Variants in ATP8B1 observed in about 807,000 individuals in gnomAD.
The protein encoded by ATP8B1 is phospholipid-transporting ATPase IC.
A neutral mutation model predicts 149.9 loss-of-function variants in ATP8B1; 80 were observed. That is an observed-to-expected ratio of 0.53 (90% CI 0.45 to 0.64). The LOEUF (loss-of-function observed/expected upper bound fraction) is 0.64. Ranked by LOEUF, ATP8B1 falls within the 30% of genes least tolerant of loss-of-function variation. ATP8B1 has a pLI of 0.00. For synonymous variants in ATP8B1, 536 were observed against 562.8 expected, an observed-to-expected ratio of 0.95 and a Z score of 0.67; for missense variants, 1,247 against 1,552.6, an observed-to-expected ratio of 0.80 and a Z score of 3.31.
chr18:57,656,510 C>T (rs1186420885), intron 22 of ATP8B1, among the ~76,000 whole-genome samples: 2 of 151,338 alleles, frequency 1.3e-5, no homozygotes, highest in Non-Finnish European at 2.9e-5. Flanking sequence ...CTCAGCCTCT[C>T]GAGTAGCTGG....
At position 57,669,320 on chromosome 18, in the gene ATP8B1, T is replaced by G. The variant is rs146392616; in HGVS notation, c.2095A>C (p.Ile699Leu). Reference sequence around the variant, plus strand: ...AAGTTATTAAGGCTAAAACTCACAATTAAGTCTTTTTCAATCTCCTCATAT... The same window carrying G: ...AAGTTATTAAGGCTAAAACTCACAAGTAAGTCTTTTTCAATCTCCTCATAT... The part of the protein sequence containing the change: ...KVYEEIEKDL[I>L]LLGATAIEDK... Residue 699 changes from isoleucine (I) to leucine (L), a missense_variant and splice_region_variant, in exon 18 of 28, where the codon ATT becomes CTT. Coordinates refer to ENST00000648908, the MANE Select transcript of ATP8B1 (RefSeq NM_001374385.1). 11 of 1,598,746 alleles carry G rather than the reference T, an allele frequency of 6.9e-6. No individual in the cohort carries two copies. The African/African-American group carries it at 1.5e-4, about 22-fold the overall frequency.
chr18:57,755,195 G>C (rs550497592), intron 1 of ATP8B1, among the ~76,000 whole-genome samples: 4 of 152,166 alleles, frequency 2.6e-5, no homozygotes, highest in Non-Finnish European at 5.9e-5. Context: ...GAGAACCCGG[G>C]GCTGAAAGTA....
chr18:57,738,722 C>T (rs373129104), intron 1 of ATP8B1, among the ~76,000 whole-genome samples: 1 of 152,304 alleles, frequency 6.6e-6, no homozygotes, highest in East Asian at 1.9e-4. Flanking sequence ...CACCTCCTCT[C>T]TATCTCCATG....
At chr18:57,676,258 C>T (rs748544817) in intron 15 of ATP8B1, among the ~76,000 whole-genome samples, 24 of 152,028 alleles carry the variant, frequency 1.6e-4, no homozygotes, top group Non-Finnish European at 3.1e-4. Flanking sequence ...TCGCTTCAGG[C>T]GCAAGTGATC....
chr18:57,750,492 T>C (rs552611320), intron 1 of ATP8B1, among the ~76,000 whole-genome samples: 23 of 152,250 alleles, frequency 1.5e-4, no homozygotes, highest in Non-Finnish European at 7.4e-5. Context: ...TATTTCGGAG[T>C]TGTGACATAG....
chr18:57,673,628 G>GTA (rs1911402366), intron 16 of ATP8B1, among the ~76,000 whole-genome samples: 4 of 151,178 alleles, frequency 2.6e-5, no homozygotes, highest in South Asian at 4.2e-4. Context: ...ATATATGTGT[G>GTA]TATATATATA....
In ATP8B1 at chr18:57,695,523, AT is replaced by A; in HGVS notation, c.707del (p.Asn236IlefsTer2). The A allele has an allele frequency of 6.2e-7, 1 of 1,610,574 alleles. No individual in the cohort carries two copies. Among genetic ancestry groups the A allele is most frequent in the East Asian group, 2.2e-5 (1 of 44,794 alleles). Reference protein sequence around the residue: ...VETAELDGETNLKFKMSLEIT... With the variant: ...VETAELDGETXLKFKMSLEIT... Reference sequence around the variant, plus strand: ...TTTCAAGTGACATCTTAAATTTTAAATTGGTTTCTCTAAAGGAATGGGGAAA... The same window carrying A: ...TTTCAAGTGACATCTTAAATTTTAAATGGTTTCTCTAAAGGAATGGGGAAA... On this transcript the variant is annotated frameshift_variant, in exon 9 of 28. Transcript: ENST00000648908. LOFTEE classifies it high-confidence loss of function.
At chr18:57,743,563 A>G (rs1009539207) in intron 1 of ATP8B1, among the ~76,000 whole-genome samples, 8 of 152,106 alleles carry the variant, frequency 5.3e-5, no homozygotes, top group Non-Finnish European at 1.0e-4. Flanking sequence ...GCAACCTGGG[A>G]GTCACAGAGG....
chr18:57,719,969 C>T (rs1053703938), intron 2 of ATP8B1, among the ~76,000 whole-genome samples: 2 of 151,908 alleles, frequency 1.3e-5, no homozygotes, highest in Non-Finnish European at 2.9e-5. Flanking sequence ...CTGGGAGGCA[C>T]CCCCCAGCAG....
chr18:57,761,996 C>A (rs1020330404), intron 1 of ATP8B1, among the ~76,000 whole-genome samples: 1 of 146,750 alleles, frequency 6.8e-6, no homozygotes, highest in East Asian at 2.0e-4. Flanking sequence ...TTTAGGTTTA[C>A]GGAAAAATGG....
chr18:57,652,425 A>G (rs1909682598), intron 25 of ATP8B1, 59 bp downstream of exon 25: 1 of 1,608,494 alleles, frequency 6.2e-7, no homozygotes, highest in Non-Finnish European at 8.5e-7. Flanking sequence ...GCCACCCTAT[A>G]TACAGAAATA....
chr18:57,731,953 G>T, intron 1 of ATP8B1, 121 bp from the exon 2 acceptor site: 2 of 939,814 alleles, frequency 2.1e-6, no homozygotes, highest in Non-Finnish European at 1.7e-6. Flanking sequence ...AAATATTCTG[G>T]AATAGTACCC....
intron 15 of ATP8B1, among the ~76,000 whole-genome samples, chr18:57,678,139 G>A (rs1443876654): frequency 6.6e-6 from 1 of 152,084 alleles, no homozygotes; most frequent in Non-Finnish European, 1.5e-5. Flanking sequence ...TAGAGATTAG[G>A]CCATTATCCT....
At chr18:57,705,453 G>A (rs555552291) in intron 3 of ATP8B1, among the ~76,000 whole-genome samples, 2 of 152,174 alleles carry the variant, frequency 1.3e-5, no homozygotes, top group Non-Finnish European at 2.9e-5. Flanking sequence ...TAGGATCTTC[G>A]CAGAGATAAT....
intron 15 of ATP8B1, 90 bp from the exon 16 acceptor site, chr18:57,675,112 TCAGATGGGCTGCAAAGCC>T: frequency 7.3e-7 from 1 of 1,371,934 alleles, no homozygotes; most frequent in Non-Finnish European, 1.0e-6. Context: ...CCTGTGGGGG[TCAGATGGGCTGCAAAGCC>T]CAAAACATCC....
chr18:57,703,699 G>A (rs1276746105), intron 4 of ATP8B1, among the ~76,000 whole-genome samples: 1 of 152,042 alleles, frequency 6.6e-6, no homozygotes, highest in Non-Finnish European at 1.5e-5. Context: ...GAGTTCCCTC[G>A]GTTACAGCAA....
intron 20 of ATP8B1, 99 bp downstream of exon 20, chr18:57,666,993 C>T (rs2122692459): frequency 2.7e-6 from 3 of 1,107,148 alleles, no homozygotes; most frequent in Middle Eastern, 2.0e-4. Context: ...AGTGACACAT[C>T]GTAACCCCTA....
Position 57,691,832 on chromosome 18 carries a change from T to C in ATP8B1, c.1195A>G (p.Met399Val), listed in dbSNP as rs1912545998. Residue 399 changes from methionine (M) to valine (V), a missense_variant, in exon 12 of 28, where the codon ATG becomes GTG. Around this residue, in one of 3 missense-constraint regions of ATP8B1, gnomAD observed 853 missense variants for 1,035.7 expected, o/e 0.82. Transcript: ENST00000648908. ...FWGYIIVLNT[M>V]VPISLYVSVE... ...CTGACATAGAGAGAGATGGGTACCA[T>C]GGTGTTGAGAACAATGATATAGCCC... 1 of 1,614,104 alleles carries C rather than the reference T, an allele frequency of 6.2e-7. No homozygotes were observed. The highest frequency in any genetic ancestry group is 2.2e-5 in the East Asian group (1 of 44,880).
At chr18:57,654,679 A>G (rs1395471709) in intron 23 of ATP8B1, among the ~76,000 whole-genome samples, 1 of 146,336 alleles carries the variant, frequency 6.8e-6, no homozygotes, top group Non-Finnish European at 1.5e-5. Flanking sequence ...ATAAAAACAT[A>G]CAAGCAAATC....
Sources: allele counts gnomAD v4.1 joint callset (sites outside exome capture counted in the v4.1 genomes callset), GRCh38; gene constraint gnomAD v4.1.1; regional missense constraint gnomAD v4.1.1; transcripts MANE v1.5; gene names NCBI Gene and HGNC (gene_info 2026-07-23, HGNC 2026-07-21).